Variants in SBF1 observed in about 807,000 individuals in gnomAD.
The protein encoded by SBF1 is SET binding factor 1, also known as myotubularin-related protein 5.
SBF1 carries 65 observed loss-of-function variants against 215.8 expected under a neutral mutation model. The ratio of observed to expected loss-of-function variants is 0.30; its 90% CI spans 0.25 to 0.37. The LOEUF is 0.37. SBF1 is among the 10% of genes least tolerant of loss of function. SBF1 has a pLI of 1.00. For synonymous variants in SBF1, 1,410 were observed against 1,122.8 expected (o/e 1.26, Z -5.11); for missense variants, 2,634 against 2,667.8 (o/e 0.99, Z 0.28).
intron 10 of SBF1, 76 bp from the exon 11 acceptor site, chr22:50,465,404 AC>A: frequency 8.3e-7 from 1 of 1,211,406 alleles, no homozygotes; most frequent in Non-Finnish European, 1.2e-6. Flanking sequence ...GCTTCTCCAC[AC>A]CCCAACCCAC....
chr22:50,452,071 C>G (rs1404083085), intron 36 of SBF1, among the ~76,000 whole-genome samples: 1 of 149,096 alleles, frequency 6.7e-6, no homozygotes, highest in East Asian at 2.0e-4. Flanking sequence ...GCTGGGATGA[C>G]AGGCGTGAGC....
chr22:50,459,744 A>C, intron 26 of SBF1, 78 bp from the exon 27 acceptor site: 1 of 1,454,282 alleles, frequency 6.9e-7, no homozygotes, highest in Non-Finnish European at 9.2e-7. Context: ...GGGCAAGAGG[A>C]GCCAGCCCAT....
chr22:50,472,228 T>A (rs1318484999), intron 1 of SBF1, among the ~76,000 whole-genome samples: 1 of 152,136 alleles, frequency 6.6e-6, no homozygotes, highest in Non-Finnish European at 1.5e-5. Context: ...TCAGGGCCCC[T>A]CCCCACCTTT....
chr22:50,474,755 C>T (rs1325663227), intron 1 of SBF1, 31 bp downstream of exon 1: 1 of 1,460,934 alleles, frequency 6.8e-7, no homozygotes, highest in African/African-American at 1.5e-5. Flanking sequence ...CCCTCGGCCC[C>T]CGGCCCTCAG....
At position 50,474,856 on chromosome 22, in the gene SBF1, G is replaced by A. The variant is rs1250122933; in HGVS notation, c.-16C>T. On this transcript the variant is annotated 5_prime_UTR_variant, in exon 1 of 41. Transcript: ENST00000380817. ...GCCGCGCCATGGCGAGGGACGCGGG[G>A]CGGCCCGAGGGGCGCGGGCGGGCTC... The A allele has an allele frequency of 1.4e-6, 2 of 1,394,332 alleles. No individual in the cohort carries two copies. Among genetic ancestry groups the A allele is most frequent in the Non-Finnish European group, 1.9e-6 (2 of 1,077,476 alleles). 86.4% of individuals were successfully genotyped at this position (1,394,332 alleles called of 1,614,324 possible).
At chr22:50,472,541 G>A (rs5770841) in intron 1 of SBF1, among the ~76,000 whole-genome samples, 11,662 of 152,222 alleles carry the variant, frequency 0.077, 930 homozygotes, top group East Asian at 0.43. Flanking sequence ...ATCATTTCCA[G>A]GGCCTCCTGT....
At chr22:50,456,929 G>A in intron 29 of SBF1, 105 bp downstream of exon 29, 1 of 987,346 alleles carries the variant, frequency 1.0e-6, no homozygotes, top group South Asian at 2.0e-5. Context: ...GGTCGTTAGT[G>A]TCAGGTGTGG....
At chr22:50,457,000 G>A in intron 29 of SBF1, 34 bp downstream of exon 29, 1 of 1,399,668 alleles carries the variant, frequency 7.1e-7, no homozygotes, top group South Asian at 1.6e-5. Context: ...CACCAAGTAA[G>A]GGGAGGCGGG....
At position 50,455,215 on chromosome 22, in the gene SBF1, C is replaced by T. The variant is rs1462819414; in HGVS notation, c.4554+9G>A. The T allele has an allele frequency of 2.4e-5, 39 of 1,611,888 alleles. No homozygotes were observed. The highest frequency in any genetic ancestry group is 3.3e-5 in the Non-Finnish European group (39 of 1,178,726). ...CAGTCCCGGCCCACCCACACAGCGG[C>T]CTGCCCACCTGGTGTACGCAGTCCA... On this transcript the variant is annotated intron_variant, in intron 33 of 40. Coordinates refer to ENST00000380817, the MANE Select transcript of SBF1 (RefSeq NM_002972.4).
At position 50,461,535 on chromosome 22, in the gene SBF1, T is replaced by C. The variant is rs2148588717; in HGVS notation, c.2827A>G (p.Thr943Ala). 1 of 1,600,316 alleles carries C rather than the reference T, an allele frequency of 6.2e-7. No homozygotes were observed. The highest frequency in any genetic ancestry group is 8.5e-7 in the Non-Finnish European group (1 of 1,170,584). ...TCTGCAGGCTCACCCAGGGGGTCCG[T>C]GGGCATCCCCGTGAAGATGACCCGG... ...TYRVIFTGMP[T>A]DPLVGEQVVV... Residue 943 changes from threonine (T) to alanine (A), a missense_variant, in exon 22 of 41, where the codon ACG (threonine) becomes GCG (alanine). Transcript: ENST00000380817.
chr22:50,461,724 C>G lies in SBF1; in HGVS notation c.2644-6G>C, dbSNP rs540628178. On this transcript the variant is annotated splice_region_variant and splice_polypyrimidine_tract_variant and intron_variant, in intron 21 of 40. Transcript: ENST00000380817. ...CGCGGCCGCAGCAGCTTGGGCTGCT[C>G]GAAAACAAGAGCAGGAGCTCAGGAT... The G allele has an allele frequency of 1.8e-4, 289 of 1,609,044 alleles. 1 individual carries two copies. In the East Asian group the frequency reaches 5.7e-3, roughly 31 times the overall value.
In SBF1 at chr22:50,465,147, G is replaced by A. The variant is rs776279252; in HGVS notation, c.1204-18C>T. On this transcript the variant is annotated intron_variant, in intron 11 of 40. Transcript: ENST00000380817. ...AAGGCTGCCTGGATGACAGAAGGAG[G>A]TCGGTCCCTCAGGGGTCTCCACCAT... 10 of 1,613,838 alleles carry A rather than the reference G, an allele frequency of 6.2e-6. No homozygotes were observed. In the African/African-American group the frequency reaches 9.3e-5, roughly 15 times the overall value.
At chr22:50,461,331 G>A (rs751050155) in intron 22 of SBF1, 45 bp from the exon 23 acceptor site, 70 of 1,565,580 alleles carry the variant, frequency 4.5e-5, no homozygotes, top group Non-Finnish European at 5.8e-5. Flanking sequence ...AGGTAAGGGG[G>A]GGGGGGTCCC....
In SBF1 at chr22:50,466,415, C is replaced by A; in HGVS notation, c.723G>T (p.Arg241=). Residue 241 remains arginine, a synonymous_variant, in exon 7 of 41, where the codon CGG becomes CGT. Coordinates refer to ENST00000380817, the MANE Select transcript of SBF1 (RefSeq NM_002972.4). ...AGGCATCGGCGAGCCGCTGGTAGCT[C>A]CGGGACAGGAAGAGAACCTTGTGCT... ...LTEHKVLFLS[R]SYQRLADACR... is the part of the protein sequence containing the mutation. 1 of 1,553,052 alleles carries A rather than the reference C, an allele frequency of 6.4e-7. No homozygotes were observed. Among genetic ancestry groups the A allele is most frequent in the Middle Eastern group, 1.7e-4 (1 of 5,994 alleles).
At chr22:50,463,483 C>T (rs746024445) in intron 15 of SBF1, 51 bp from the exon 16 acceptor site, 11 of 1,492,458 alleles carry the variant, frequency 7.4e-6, no homozygotes, top group East Asian at 7.3e-5. Flanking sequence ...AAGACCCACT[C>T]GGGGCCCTGG....
rs762957043 is a variant in SBF1 at position 50,455,429 on chromosome 22, G to A, written c.4369-20C>T. 7 of 1,612,416 alleles carry A rather than the reference G, an allele frequency of 4.3e-6. No homozygotes were observed. The highest frequency in any genetic ancestry group is 1.7e-5 in the Admixed American group (1 of 59,974). ...TACCACCTGCCAGCACCGCCAGGAG[G>A]TCAGCGAGGAGCCCGGGAGCCTGGC... On this transcript the variant is annotated intron_variant, in intron 32 of 40. Coordinates refer to ENST00000380817, the MANE Select transcript of SBF1 (RefSeq NM_002972.4).
At chr22:50,473,495 G>A (rs974289828) in intron 1 of SBF1, among the ~76,000 whole-genome samples, 9 of 152,194 alleles carry the variant, frequency 5.9e-5, no homozygotes, top group African/African-American at 1.2e-4. Context: ...AAAGACAGAT[G>A]CTCATGACTG....
rs757006638 is a variant in SBF1 at position 50,455,380 on chromosome 22, G to A, written c.4398C>T (p.Asp1466=). ...AGCCCTCCAGCGTGCGGTAGAAGGG[G>A]TCTGAGAGCAGCTGCACCAAGGATA... ...QVVSLVQLLS[D]PFYRTLEGFR... is the part of the protein sequence containing the mutation. The change falls in exon 33 of 41, where the codon GAC becomes GAT. Residue 1466 remains aspartate (D), a synonymous_variant. Transcript: ENST00000380817. 19 of 1,612,962 alleles carry A rather than the reference G, an allele frequency of 1.2e-5. No homozygotes were observed. The highest frequency in any genetic ancestry group is 1.1e-4 in the African/African-American group (8 of 75,008).
intron 20 of SBF1, 37 bp from the exon 21 acceptor site, chr22:50,461,906 C>T (rs2067531675): frequency 1.2e-6 from 2 of 1,613,926 alleles, no homozygotes; most frequent in Non-Finnish European, 1.7e-6. Flanking sequence ...GTGCCCAGCC[C>T]CACCCATCCA....
Sources: gnomAD v4.1 joint callset for allele counts (sites outside exome capture counted in the v4.1 genomes callset) on GRCh38, gnomAD v4.1.1 for gene constraint, MANE v1.5 for transcripts, NCBI Gene and HGNC (gene_info 2026-07-23, HGNC 2026-07-21) for gene names.